Variants in RABGAP1L observed in about 807,000 individuals in gnomAD.
The protein encoded by RABGAP1L is rab GTPase-activating protein 1-like.
Under a neutral mutation model 137.7 loss-of-function variants are expected in RABGAP1L, and 63 were observed. That is an observed-to-expected ratio of 0.46 (90% confidence interval 0.37 to 0.56). RABGAP1L has a LOEUF of 0.56. Among genes scored for constraint, RABGAP1L ranks in the 20% least tolerant of loss-of-function variants. RABGAP1L has a pLI of 0.00. For missense variants in RABGAP1L, 1,095 were observed against 1,244.0 expected, an observed-to-expected ratio of 0.88 and a Z score of 1.80; for synonymous variants, 431 against 433.7, an observed-to-expected ratio of 0.99 and a Z score of 0.08.
chr1:174,428,829 C>T (rs1652265706), intron 13 of RABGAP1L, among the ~76,000 whole-genome samples: 2 of 152,164 alleles, frequency 1.3e-5, no homozygotes, highest in Non-Finnish European at 2.9e-5. Context: ...ATACTCTTAA[C>T]TCTCATGACC....
chr1:174,294,106 A>G lies in RABGAP1L; in HGVS notation c.1324-10880A>G, dbSNP rs185114361. Among the ~76,000 whole-genome samples, 178 of 152,304 alleles carry G rather than the reference A, an allele frequency of 1.2e-3. 1 individual carries two copies. The highest frequency in any genetic ancestry group is 4.2e-3 in the African/African-American group (174 of 41,562). On this transcript the variant is annotated intron_variant, in intron 10 of 25. Transcript: ENST00000681986. ...GATTATAATTATGCCACCCCAAAAG[A>G]TTGTCATAGTGAATAAATACTAATT...
chr1:174,349,611 T>C (rs1167010626), intron 11 of RABGAP1L, among the ~76,000 whole-genome samples: 818 of 86,448 alleles, frequency 9.5e-3, no homozygotes, highest in African/African-American at 0.013. Context: ...CCCTCCCGGA[T>C]GGGGCGGCTG....
chr1:174,356,123 A>ATATTATT (rs1683620451), intron 11 of RABGAP1L, among the ~76,000 whole-genome samples: 5 of 152,172 alleles, frequency 3.3e-5, no homozygotes, highest in Non-Finnish European at 4.4e-5. Context: ...AAAATAGATC[A>ATATTATT]CTTTTATATT....
At chr1:174,820,404 C>T (rs1178015067) in intron 19 of RABGAP1L, among the ~76,000 whole-genome samples, 1 of 152,092 alleles carries the variant, frequency 6.6e-6, no homozygotes, top group African/African-American at 2.4e-5. Flanking sequence ...AATGACTTAA[C>T]CGCCCCACTC....
chr1:174,858,693 T>C lies in RABGAP1L; in HGVS notation c.2340+46733T>C, dbSNP rs149946128. Among the ~76,000 whole-genome samples the C allele has an allele frequency of 3.8e-4, 58 of 152,308 alleles. No homozygotes were observed. The Middle Eastern group carries it at 0.01, about 27-fold the overall frequency. On this transcript the variant is annotated intron_variant, in intron 19 of 25. Coordinates refer to ENST00000681986, the MANE Select transcript of RABGAP1L (RefSeq NM_001366446.1). ...AGCCATGTGTACCATTACCAACTGC[T>C]TGCTGACTCTTGGCCTTTTATCCTT...
At chr1:174,704,998 G>T (rs1390084003) in intron 17 of RABGAP1L, among the ~76,000 whole-genome samples, 1 of 152,040 alleles carries the variant, frequency 6.6e-6, no homozygotes, top group African/African-American at 2.4e-5. Flanking sequence ...ATAAAAATAG[G>T]AAAGTGGGGG....
At chr1:174,715,215 T>G (rs1222954102) in intron 17 of RABGAP1L, among the ~76,000 whole-genome samples, 1 of 152,170 alleles carries the variant, frequency 6.6e-6, no homozygotes, top group African/African-American at 2.4e-5. Flanking sequence ...CTAGAAACTG[T>G]ATTGGGAAAG....
intron 7 of RABGAP1L, among the ~76,000 whole-genome samples, chr1:174,254,696 C>T (rs556951268): frequency 1.3e-5 from 2 of 152,234 alleles, no homozygotes; most frequent in South Asian, 2.1e-4. Flanking sequence ...CATAGTATTC[C>T]GTGGTGTATA....
chr1:174,928,836 G>A (rs1276506235), intron 19 of RABGAP1L, among the ~76,000 whole-genome samples: 2 of 152,140 alleles, frequency 1.3e-5, no homozygotes, highest in African/African-American at 4.8e-5. Context: ...GTTAGATAGA[G>A]CCTGTCTCTA....
intron 19 of RABGAP1L, among the ~76,000 whole-genome samples, chr1:174,946,442 C>T (rs1666777177): frequency 6.6e-6 from 1 of 152,074 alleles, no homozygotes; most frequent in Non-Finnish European, 1.5e-5. Flanking sequence ...GAGTTCATAG[C>T]CAGCCTGGCA....
At chr1:174,962,273 C>T (rs1160272055) in intron 20 of RABGAP1L, among the ~76,000 whole-genome samples, 1 of 140,824 alleles carries the variant, frequency 7.1e-6, no homozygotes, top group Non-Finnish European at 1.5e-5. Flanking sequence ...GTTACCTGTT[C>T]TAGATGGGAA....
At chr1:174,719,394 A>G (rs905352894) in intron 17 of RABGAP1L, among the ~76,000 whole-genome samples, 3 of 152,228 alleles carry the variant, frequency 2.0e-5, no homozygotes, top group Admixed American at 6.5e-5. Context: ...GATATCAAAT[A>G]GTACTTTGAA....
In RABGAP1L at chr1:174,278,627, A is replaced by T; in HGVS notation, c.1171A>T (p.Met391Leu). 6.2e-7 allele frequency: 1 copy of T among 1,612,280 alleles called. No homozygotes were observed. The change falls in exon 10 of 26, where the codon ATG (methionine) becomes TTG (leucine). Residue 391 changes from methionine to leucine, a missense_variant. Physicochemically the swap from Met to Leu is conservative, Grantham distance 15. Transcript: ENST00000681986. ...TTCTACTACAGATAAGCAAGTATAC[A>T]TGACTGTGGCAGTGGATATGGTAGT... is the stretch of plus-strand genomic sequence containing the variant. The part of the protein sequence containing the change: ...EETPKDKQVY[M>L]TVAVDMVVTE...
chr1:174,292,514 T>C (rs1042694347), intron 10 of RABGAP1L, among the ~76,000 whole-genome samples: 1 of 152,028 alleles, frequency 6.6e-6, no homozygotes, highest in African/African-American at 2.4e-5. Flanking sequence ...TTGTGTCCTA[T>C]GGGTCATTCA....
At chr1:174,543,043 T>C (rs1312858527) in intron 13 of RABGAP1L, among the ~76,000 whole-genome samples, 3 of 152,178 alleles carry the variant, frequency 2.0e-5, no homozygotes, top group Admixed American at 1.3e-4. Flanking sequence ...ATAAGGGTGA[T>C]GTGGTGCTGA....
chr1:174,851,037 G>A (rs902689477), intron 19 of RABGAP1L, among the ~76,000 whole-genome samples: 2 of 152,196 alleles, frequency 1.3e-5, no homozygotes, highest in Non-Finnish European at 2.9e-5. Flanking sequence ...GAGGTTGAGA[G>A]TGGATTCTTC....
chr1:174,598,247 G>C (rs1670122928), intron 13 of RABGAP1L, among the ~76,000 whole-genome samples: 1 of 148,628 alleles, frequency 6.7e-6, no homozygotes, highest in Non-Finnish European at 1.5e-5. Flanking sequence ...GGAATCCCTT[G>C]AACCCGGGAG....
At chr1:174,765,599 ATT>A (rs754181726) in intron 18 of RABGAP1L, among the ~76,000 whole-genome samples, 9 of 144,658 alleles carry the variant, frequency 6.2e-5, no homozygotes, top group Admixed American at 6.9e-5. Flanking sequence ...TGTCCAGCAA[ATT>A]TTTTTTTTTT....
At chr1:174,444,645 C>G (rs1470447711) in intron 13 of RABGAP1L, among the ~76,000 whole-genome samples, 16 of 151,926 alleles carry the variant, frequency 1.1e-4, no homozygotes, top group Admixed American at 1.0e-3. Context: ...TTCAGATTTT[C>G]TATTTCTTCA....
Sources: gnomAD v4.1 joint callset for allele counts (sites outside exome capture counted in the v4.1 genomes callset) on GRCh38, gnomAD v4.1.1 for gene constraint, MANE v1.5 for transcripts, NCBI Gene and HGNC (gene_info 2026-07-23, HGNC 2026-07-21) for gene names.